DSCAML1: variants seen among roughly 807,000 people sequenced by gnomAD.
The protein encoded by DSCAML1 is DS cell adhesion molecule like 1.
Under a neutral mutation model 200.5 loss-of-function variants are expected in DSCAML1, and 38 were observed. The ratio of observed to expected loss-of-function variants is 0.19; its 90% CI spans 0.15 to 0.25. The LOEUF (loss-of-function observed/expected upper bound fraction) is 0.25, where lower values mean the gene tolerates loss of function less well. DSCAML1 is among the 10% of genes least tolerant of loss of function. The pLI, the probability that DSCAML1 is intolerant of heterozygous loss-of-function variation, is 1.00. For missense variants in DSCAML1, 2,223 were observed against 2,858.8 expected, an observed-to-expected ratio of 0.78 and a Z score of 5.07; for synonymous variants, 1,215 against 1,165.0, an observed-to-expected ratio of 1.04 and a Z score of -0.87.
At chr11:117,515,629 T>G (rs1340318165) in intron 8 of DSCAML1, among the ~76,000 whole-genome samples, 1 of 130,030 alleles carries the variant, frequency 7.7e-6, no homozygotes, top group Non-Finnish European at 1.7e-5. Context: ...TTTTTTTTTT[T>G]TTTTTTTGAG....
chr11:117,472,669 A>G (rs2048709024), intron 14 of DSCAML1, among the ~76,000 whole-genome samples: 1 of 152,136 alleles, frequency 6.6e-6, no homozygotes, highest in Non-Finnish European at 1.5e-5. Context: ...AGAGATTAAC[A>G]TGTTCACGAT....
intron 21 of DSCAML1, among the ~76,000 whole-genome samples, chr11:117,442,268 A>T (rs2048076159): frequency 6.9e-6 from 1 of 144,712 alleles, no homozygotes; most frequent in Non-Finnish European, 1.5e-5. Context: ...GTGTGCATGT[A>T]TTAGTGTGTA....
chr11:117,772,142 A>G (rs2055050024), intron 3 of DSCAML1, among the ~76,000 whole-genome samples: 1 of 152,064 alleles, frequency 6.6e-6, no homozygotes, highest in Admixed American at 6.5e-5. Flanking sequence ...CAGAGAGAGG[A>G]GGGGGCCACT....
intron 3 of DSCAML1, among the ~76,000 whole-genome samples, chr11:117,750,139 T>C (rs1184653292): frequency 6.6e-6 from 1 of 152,188 alleles, no homozygotes. Context: ...TAAAGGGGCA[T>C]CTGGCTGGAA....
At chr11:117,465,742 T>TTGAATGAA (rs57457586) in intron 16 of DSCAML1, among the ~76,000 whole-genome samples, 6 of 150,472 alleles carry the variant, frequency 4.0e-5, no homozygotes, top group South Asian at 4.3e-4. Flanking sequence ...TCAATACATA[T>TTGAATGAA]TGAATGAATG....
chr11:117,671,381 A>G (rs1473190749), intron 3 of DSCAML1, among the ~76,000 whole-genome samples: 2 of 152,204 alleles, frequency 1.3e-5, no homozygotes, highest in African/African-American at 2.4e-5. Context: ...CGTGGAGTCC[A>G]TGTTTACATC....
Position 117,488,465 on chromosome 11 carries a change from C to T in DSCAML1, c.2360-6303G>A, listed in dbSNP as rs57789504. Among the ~76,000 whole-genome samples, 881 of 152,202 alleles carry T rather than the reference C, an allele frequency of 5.8e-3. 37 individuals are homozygous for T. In the East Asian group the frequency reaches 0.11, roughly 19 times the overall value. On this transcript the variant is annotated intron_variant, in intron 11 of 32. Coordinates refer to ENST00000651296, the MANE Select transcript of DSCAML1 (RefSeq NM_020693.4). ...CCTCACAGGGCTTTTTGGGTGAAGG[C>T]GGCCACCACGAATTCCCTGGGGAGA...
chr11:117,484,885 CAGTGTGTGTGTGTGTGTGTGTGTG>C (rs2049007377), intron 11 of DSCAML1, among the ~76,000 whole-genome samples: 1 of 107,786 alleles, frequency 9.3e-6, no homozygotes, highest in South Asian at 3.4e-4. Context: ...AGCAGAGGAA[CAGTGTGTGTGTGTGTGTGTGTGTG>C]TGTGTGTGTG....
intron 1 of DSCAML1, among the ~76,000 whole-genome samples, chr11:117,811,860 C>T (rs931974461): frequency 6.6e-5 from 10 of 152,168 alleles, no homozygotes; most frequent in African/African-American, 1.7e-4. Flanking sequence ...CGGAGGCTAC[C>T]CACTCCACAT....
At chr11:117,468,726 A>T (rs945659071) in intron 16 of DSCAML1, among the ~76,000 whole-genome samples, 1 of 152,192 alleles carries the variant, frequency 6.6e-6, no homozygotes. Context: ...CCTCTTGGTC[A>T]TGCCTCTGGG....
At chr11:117,718,678 C>CG (rs1439757206) in intron 3 of DSCAML1, among the ~76,000 whole-genome samples, 1 of 96,978 alleles carries the variant, frequency 1.0e-5, no homozygotes, top group Admixed American at 9.6e-5. Context: ...ACCCCCCCCC[C>CG]CCCCCATCAT....
intron 3 of DSCAML1, among the ~76,000 whole-genome samples, chr11:117,687,870 G>C (rs2053432225): frequency 6.6e-6 from 1 of 152,172 alleles, no homozygotes; most frequent in South Asian, 2.1e-4. Context: ...AAGAGGGCTG[G>C]ATGGTCTGGA....
At chr11:117,495,842 A>G (rs2049280161) in intron 11 of DSCAML1, among the ~76,000 whole-genome samples, 1 of 152,210 alleles carries the variant, frequency 6.6e-6, no homozygotes, top group South Asian at 2.1e-4. Context: ...AATGACTCTT[A>G]GAGTTCCGTT....
At chr11:117,566,862 A>G (rs916272148) in intron 3 of DSCAML1, among the ~76,000 whole-genome samples, 1 of 151,622 alleles carries the variant, frequency 6.6e-6, no homozygotes, top group African/African-American at 2.4e-5. Flanking sequence ...GTTTACTGAG[A>G]ATGATGATTT....
chr11:117,607,573 C>G (rs978663923), intron 3 of DSCAML1, among the ~76,000 whole-genome samples: 1 of 152,188 alleles, frequency 6.6e-6, no homozygotes, highest in Non-Finnish European at 1.5e-5. Context: ...TGTGGAGGCA[C>G]CCAGAGACCA....
In DSCAML1 at chr11:117,650,701, G is replaced by GTGCA. The variant is rs1555194676; in HGVS notation, c.512-118180_512-118179insTGCA. Among the ~76,000 whole-genome samples the GTGCA allele has an allele frequency of 1.2e-4, 10 of 81,000 alleles. No homozygotes were observed. The East Asian group carries it at 2.3e-3, about 19-fold the overall frequency. 53.1% of individuals were successfully genotyped at this position (81,000 alleles called of 152,430 possible). A position where few individuals can be genotyped will look rare whatever the true frequency, so the allele number is the denominator to read the frequency against. ...TGTGTGTGTGTGTGTGTGTGTGTGT[G>GTGCA]CGTGTGTGTGTGTGGTGGGGATTGG... On this transcript the variant is annotated intron_variant, in intron 3 of 32. Transcript: ENST00000651296.
At chr11:117,536,452 G>A (rs540544719) in intron 3 of DSCAML1, among the ~76,000 whole-genome samples, 31 of 152,328 alleles carry the variant, frequency 2.0e-4, no homozygotes, top group African/African-American at 7.2e-4. Context: ...GGGTCCCACG[G>A]GAGAAGGAAA....
chr11:117,741,624 G>T (rs1483095801), intron 3 of DSCAML1, among the ~76,000 whole-genome samples: 1 of 152,252 alleles, frequency 6.6e-6, no homozygotes, highest in Admixed American at 6.5e-5. Flanking sequence ...AGAACACATA[G>T]TAATTAGGGA....
chr11:117,785,966 T>G (rs182457932), intron 1 of DSCAML1, among the ~76,000 whole-genome samples: 1 of 152,302 alleles, frequency 6.6e-6, no homozygotes, highest in East Asian at 1.9e-4. Context: ...TCCATCATGT[T>G]GTTGAGTTCA....
Sources: gnomAD v4.1 joint callset for allele counts (sites outside exome capture counted in the v4.1 genomes callset) on GRCh38, gnomAD v4.1.1 for gene constraint, MANE v1.5 for transcripts, NCBI Gene and HGNC (gene_info 2026-07-23, HGNC 2026-07-21) for gene names.